CCDC68: variants seen among roughly 807,000 people sequenced by gnomAD.
CCDC68 encodes the protein coiled-coil domain-containing protein 68.
A neutral mutation model predicts 47.1 loss-of-function variants in CCDC68; 45 were observed. The observed-to-expected ratio is 0.96, with a 90% CI of 0.75 to 1.23. The LOEUF (loss-of-function observed/expected upper bound fraction) is 1.23. Among genes scored for constraint, CCDC68 ranks in the 50% most tolerant of loss-of-function variants. The pLI is 0.00. For missense variants in CCDC68, 353 were observed against 373.6 expected, an observed-to-expected ratio of 0.94 and a Z score of 0.45; for synonymous variants, 131 against 129.5, an observed-to-expected ratio of 1.01 and a Z score of -0.08.
chr18:54,948,093 GT>G (rs2044555726), intron 1 of CCDC68, among the ~76,000 whole-genome samples: 1 of 152,172 alleles, frequency 6.6e-6, no homozygotes, highest in South Asian at 2.1e-4. Flanking sequence ...CCTGTGATGG[GT>G]TGAATTGTGT....
intron 4 of CCDC68, among the ~76,000 whole-genome samples, chr18:54,939,244 A>T (rs1364423633): frequency 6.6e-6 from 1 of 152,174 alleles, no homozygotes; most frequent in East Asian, 1.9e-4. Context: ...TATACAGAGT[A>T]GGAATTATTT....
intron 7 of CCDC68, among the ~76,000 whole-genome samples, chr18:54,931,655 G>A (rs1210448861): frequency 2.0e-5 from 3 of 152,272 alleles, no homozygotes; most frequent in South Asian, 4.1e-4. Context: ...CTAAATCAAT[G>A]ACACTAGAAA....
At chr18:54,911,524 A>T (rs1270008437) in intron 10 of CCDC68, among the ~76,000 whole-genome samples, 1 of 152,210 alleles carries the variant, frequency 6.6e-6, no homozygotes, top group Non-Finnish European at 1.5e-5. Context: ...TCAAGAGTGA[A>T]GCTAAGTTTC....
intron 7 of CCDC68, among the ~76,000 whole-genome samples, chr18:54,932,253 C>A (rs567308481): frequency 6.6e-6 from 1 of 150,596 alleles, no homozygotes; most frequent in Non-Finnish European, 1.5e-5. Context: ...GGCGTCATCT[C>A]GGCTCACTGC....
rs2044508504 is a variant in CCDC68 at position 54,945,393 on chromosome 18, A to T, written c.-18T>A. ...CCATAGTAACATTAACTTACCCAAGACGAAGTAAAATTAATAGAGCTAAAA... is the reference window on the plus strand; with the variant it reads ...CCATAGTAACATTAACTTACCCAAGTCGAAGTAAAATTAATAGAGCTAAAA... On this transcript the variant is annotated 5_prime_UTR_variant, in exon 2 of 12. Transcript: ENST00000591504. The T allele has an allele frequency of 6.6e-6, 1 of 152,220 alleles. No individual in the cohort carries two copies. Among genetic ancestry groups the T allele is most frequent in the Non-Finnish European group, 1.5e-5 (1 of 68,030 alleles). 9.4% of individuals were successfully genotyped at this position (152,220 alleles called of 1,614,324 possible). A position where few individuals can be genotyped will look rare whatever the true frequency, so the allele number is the denominator to read the frequency against.
intron 1 of CCDC68, among the ~76,000 whole-genome samples, chr18:54,948,264 G>A (rs941904440): frequency 6.6e-6 from 1 of 152,152 alleles, no homozygotes; most frequent in African/African-American, 2.4e-5. Context: ...CTTATGAAAA[G>A]GAGCAATGTG....
At chr18:54,920,855 A>G (rs1207579348) in intron 8 of CCDC68, among the ~76,000 whole-genome samples, 8 of 152,232 alleles carry the variant, frequency 5.3e-5, no homozygotes, top group Non-Finnish European at 1.5e-5. Context: ...TATATACCCA[A>G]AGGAAAACCG....
chr18:54,945,156 C>A (rs551459630), intron 2 of CCDC68, among the ~76,000 whole-genome samples: 1 of 151,980 alleles, frequency 6.6e-6, no homozygotes, highest in African/African-American at 2.4e-5. Flanking sequence ...AAAGGACATG[C>A]GGATAAAGAT....
chr18:54,935,194 C>T (rs12963928), intron 6 of CCDC68, among the ~76,000 whole-genome samples: 57,993 of 151,982 alleles, frequency 0.38, 11,278 homozygotes, highest in East Asian at 0.59. Flanking sequence ...ATAAAGCATA[C>T]TTCCTGAACA....
intron 10 of CCDC68, among the ~76,000 whole-genome samples, chr18:54,910,982 G>A (rs914442700): frequency 6.6e-6 from 1 of 152,234 alleles, no homozygotes; most frequent in Non-Finnish European, 1.5e-5. Context: ...AGTTCAAACA[G>A]CTGCAGCTGT....
chr18:54,936,115 T>C (rs2044338091), intron 6 of CCDC68, among the ~76,000 whole-genome samples: 1 of 146,304 alleles, frequency 6.8e-6, no homozygotes, highest in South Asian at 2.1e-4. Context: ...ATTATTTATA[T>C]AGATAAATAT....
chr18:54,953,811 A>G (rs2044662121), intron 1 of CCDC68, among the ~76,000 whole-genome samples: 1 of 152,166 alleles, frequency 6.6e-6, no homozygotes, highest in South Asian at 2.1e-4. Context: ...TTTAAATCTA[A>G]TTTGTGAACC....
intron 1 of CCDC68, among the ~76,000 whole-genome samples, chr18:54,956,092 C>A (rs554456695): frequency 6.6e-6 from 1 of 152,094 alleles, no homozygotes; most frequent in Non-Finnish European, 1.5e-5. Context: ...CTGGTTCAAG[C>A]GATTCTCCTG....
chr18:54,947,683 G>A (rs367942068), intron 1 of CCDC68, among the ~76,000 whole-genome samples: 33 of 152,254 alleles, frequency 2.2e-4, no homozygotes, highest in African/African-American at 5.5e-4. Context: ...GTACATATTT[G>A]TCAAACAAGT....
At chr18:54,928,961 T>C in intron 7 of CCDC68, 79 bp from the exon 8 acceptor site, 2 of 774,490 alleles carry the variant, frequency 2.6e-6, no homozygotes, top group Non-Finnish European at 4.5e-6. Flanking sequence ...ATACTATAAC[T>C]ATGGCTTGAG....
At chr18:54,913,675 T>C (rs557162651) in intron 10 of CCDC68, among the ~76,000 whole-genome samples, 58 of 151,924 alleles carry the variant, frequency 3.8e-4, no homozygotes, top group Middle Eastern at 6.8e-3. Flanking sequence ...TAGCCAGATA[T>C]GGTGGTGTGC....
At chr18:54,944,742 GA>G in intron 2 of CCDC68, among the ~76,000 whole-genome samples, 1 of 152,116 alleles carries the variant, frequency 6.6e-6, no homozygotes, top group East Asian at 1.9e-4. Context: ...TTCAAAAGGA[GA>G]GATAAAATTA....
intron 8 of CCDC68, among the ~76,000 whole-genome samples, chr18:54,924,749 C>T (rs1476239863): frequency 6.6e-6 from 1 of 152,160 alleles, no homozygotes; most frequent in Non-Finnish European, 1.5e-5. Context: ...CCAACGTCTC[C>T]CAAAGGGTTG....
chr18:54,930,651 C>CT (rs1456455319), intron 7 of CCDC68, among the ~76,000 whole-genome samples: 1 of 33,718 alleles, frequency 3.0e-5, no homozygotes, highest in African/African-American at 1.0e-4. Context: ...CCCTCCCTCC[C>CT]TCCCTTCCTT....
Sources: gnomAD v4.1 joint callset for allele counts (sites outside exome capture counted in the v4.1 genomes callset) on GRCh38, gnomAD v4.1.1 for gene constraint, MANE v1.5 for transcripts, NCBI Gene and HGNC (gene_info 2026-07-23, HGNC 2026-07-21) for gene names.